The following PDLIM5 variants were observed in gnomAD, a reference collection of about 807,000 sequenced individuals.
The protein encoded by PDLIM5 is PDZ and LIM domain protein 5.
Under a neutral mutation model 64.2 loss-of-function variants are expected in PDLIM5, and 34 were observed. The observed-to-expected ratio is 0.53, with a 90% CI of 0.40 to 0.71. The LOEUF (loss-of-function observed/expected upper bound fraction) is 0.71, where lower values mean the gene tolerates loss of function less well. Among genes scored for constraint, PDLIM5 ranks in the 30% least tolerant of loss-of-function variants. The probability of loss-of-function intolerance (pLI) is 0.00; values close to 1 mark genes in which losing one functional copy is unlikely to be tolerated. For synonymous variants in PDLIM5, 253 were observed against 269.1 expected (o/e 0.94, Z 0.59); for missense variants, 683 against 733.6 (o/e 0.93, Z 0.80).
chr4:94,481,977 G>A lies in PDLIM5; in HGVS notation c.96+26593G>A, dbSNP rs139034159. Among the ~76,000 whole-genome samples, 517 of 152,034 alleles carry A rather than the reference G, an allele frequency of 3.4e-3. 1 individual carries two copies. Among genetic ancestry groups the A allele is most frequent in the African/African-American group, 0.012 (480 of 41,468 alleles). ...CTTTTCTCCGTAATGCCTTGTCTGT[G>A]CTGGATTTCTTTAAATTTGGTACCA... is the stretch of plus-strand genomic sequence containing the variant. On this transcript the variant is annotated intron_variant, in intron 2 of 12. Coordinates refer to ENST00000317968, the MANE Select transcript of PDLIM5 (RefSeq NM_006457.5).
At chr4:94,476,942 A>G (rs941546084) in intron 2 of PDLIM5, among the ~76,000 whole-genome samples, 4 of 152,230 alleles carry the variant, frequency 2.6e-5, no homozygotes, top group Non-Finnish European at 5.9e-5. Context: ...CACTTGGAAC[A>G]TTATCTGGCA....
Position 94,586,830 on chromosome 4 carries a change from A to G in PDLIM5, c.920+386A>G, listed in dbSNP as rs73837449. Among the ~76,000 whole-genome samples, 842 of 152,150 alleles carry G rather than the reference A, an allele frequency of 5.5e-3. 10 individuals carry two copies. The highest frequency in any genetic ancestry group is 0.019 in the African/African-American group (798 of 41,498). On this transcript the variant is annotated intron_variant, in intron 7 of 12. Coordinates refer to ENST00000317968, the MANE Select transcript of PDLIM5 (RefSeq NM_006457.5). Reference sequence around the variant, plus strand: ...ATTGCTATATTTCTAAAAATGCTCTACCCTTAAAATTTTTGCCACTTAATA... The same window carrying G: ...ATTGCTATATTTCTAAAAATGCTCTGCCCTTAAAATTTTTGCCACTTAATA...
chr4:94,552,502 A>G (rs746217693), intron 3 of PDLIM5, among the ~76,000 whole-genome samples: 1 of 152,168 alleles, frequency 6.6e-6, no homozygotes, highest in South Asian at 2.1e-4. Flanking sequence ...TTCCAACTCT[A>G]TAAATATTGT....
At chr4:94,603,936 GAT>G (rs1225583042) in intron 7 of PDLIM5, among the ~76,000 whole-genome samples, 2 of 152,154 alleles carry the variant, frequency 1.3e-5, no homozygotes, top group Admixed American at 1.3e-4. Context: ...GGTGAAAGAT[GAT>G]TTGAGACAGA....
intron 3 of PDLIM5, among the ~76,000 whole-genome samples, chr4:94,533,980 A>C (rs1242430152): frequency 6.6e-6 from 1 of 152,222 alleles, no homozygotes; most frequent in African/African-American, 2.4e-5. Flanking sequence ...TTTTTCGAAG[A>C]GTATAGAGGA....
intron 3 of PDLIM5, among the ~76,000 whole-genome samples, chr4:94,563,854 G>C (rs1734045263): frequency 6.6e-6 from 1 of 150,968 alleles, no homozygotes; most frequent in African/African-American, 2.4e-5. Flanking sequence ...TAGTAAGTAG[G>C]CTTGTACAGA....
At chr4:94,585,526 CTT>C in intron 5 of PDLIM5, 37 bp from the exon 6 acceptor site, 1 of 1,303,880 alleles carries the variant, frequency 7.7e-7, no homozygotes, top group Non-Finnish European at 1.0e-6. Flanking sequence ...TTTAATATAA[CTT>C]TACAATTTTT....
At chr4:94,639,097 A>G (rs1256182653) in intron 8 of PDLIM5, among the ~76,000 whole-genome samples, 3 of 152,214 alleles carry the variant, frequency 2.0e-5, no homozygotes, top group Non-Finnish European at 2.9e-5. Flanking sequence ...ACAATAAAGT[A>G]GTGGTTACTA....
chr4:94,541,242 C>T (rs1191218907), intron 3 of PDLIM5, among the ~76,000 whole-genome samples: 1 of 152,142 alleles, frequency 6.6e-6, no homozygotes, highest in East Asian at 1.9e-4. Context: ...AAAAAAATGT[C>T]GTCCATGTAA....
At chr4:94,493,462 C>T (rs2555215) in intron 2 of PDLIM5, among the ~76,000 whole-genome samples, 1 of 151,810 alleles carries the variant, frequency 6.6e-6, no homozygotes, top group Non-Finnish European at 1.5e-5. Context: ...AGGTTTGGGC[C>T]ACCATGCTTG....
At chr4:94,654,265 T>G (rs1002601293) in intron 9 of PDLIM5, among the ~76,000 whole-genome samples, 195 bp from the exon 10 acceptor site, 1 of 152,128 alleles carries the variant, frequency 6.6e-6, no homozygotes, top group African/African-American at 2.4e-5. Flanking sequence ...TAAGTGCACG[T>G]CTCCCGTTTT....
intron 2 of PDLIM5, among the ~76,000 whole-genome samples, chr4:94,492,323 C>T (rs575919734): frequency 2.4e-4 from 37 of 151,214 alleles, no homozygotes; most frequent in Non-Finnish European, 4.1e-4. Flanking sequence ...TGTTTTCTCT[C>T]TTTCTGATTG....
intron 8 of PDLIM5, among the ~76,000 whole-genome samples, chr4:94,639,236 C>T (rs1290958968): frequency 2.0e-5 from 3 of 152,002 alleles, no homozygotes; most frequent in Non-Finnish European, 2.9e-5. Context: ...AGGCAAAGAG[C>T]AGTGTAAGAT....
chr4:94,501,583 T>C (rs1238493609), intron 2 of PDLIM5, among the ~76,000 whole-genome samples: 1 of 152,232 alleles, frequency 6.6e-6, no homozygotes, highest in Non-Finnish European at 1.5e-5. Flanking sequence ...GCCTGTATTT[T>C]ATAGTTTTTT....
At chr4:94,573,996 A>G (rs1463564347) in intron 4 of PDLIM5, among the ~76,000 whole-genome samples, 1 of 152,162 alleles carries the variant, frequency 6.6e-6, no homozygotes, top group Non-Finnish European at 1.5e-5. Context: ...CTGAACACTG[A>G]CATGCTCACA....
chr4:94,528,867 T>C (rs1038370831), intron 3 of PDLIM5, among the ~76,000 whole-genome samples: 4 of 152,232 alleles, frequency 2.6e-5, no homozygotes, highest in Admixed American at 1.3e-4. Flanking sequence ...AATAACCTTC[T>C]CACTGTGGCT....
chr4:94,496,082 T>G (rs376573387), intron 2 of PDLIM5, among the ~76,000 whole-genome samples: 19 of 150,924 alleles, frequency 1.3e-4, no homozygotes, highest in African/African-American at 4.1e-4. Flanking sequence ...AAAAACAAGG[T>G]TTGGCATTGT....
intron 5 of PDLIM5, among the ~76,000 whole-genome samples, chr4:94,578,598 A>G (rs10009358): frequency 0.064 from 9,733 of 152,178 alleles, 473 homozygotes; most frequent in African/African-American, 0.13. Context: ...AGACTGAGAA[A>G]TAAAAATAAA....
chr4:94,551,459 T>A (rs1732798783), intron 3 of PDLIM5, among the ~76,000 whole-genome samples: 1 of 152,168 alleles, frequency 6.6e-6, no homozygotes, highest in Non-Finnish European at 1.5e-5. Flanking sequence ...CAAGACCCTG[T>A]AACTTTATTG....
Sources: gnomAD v4.1 joint callset for allele counts (sites outside exome capture counted in the v4.1 genomes callset) on GRCh38, gnomAD v4.1.1 for gene constraint, MANE v1.5 for transcripts, NCBI Gene and HGNC (gene_info 2026-07-23, HGNC 2026-07-21) for gene names.